KCNK13: variants seen among roughly 807,000 people sequenced by gnomAD.
KCNK13 encodes potassium channel subfamily K member 13.
A neutral mutation model predicts 23.4 loss-of-function variants in KCNK13; 12 were observed. The ratio of observed to expected loss-of-function variants is 0.51; its 90% CI spans 0.33 to 0.83. KCNK13 has a LOEUF of 0.83. KCNK13 is among the 40% of genes least tolerant of loss of function. The probability of loss-of-function intolerance (pLI) is 0.02; values close to 1 mark genes in which losing one functional copy is unlikely to be tolerated. For synonymous variants in KCNK13, 231 were observed against 229.5 expected (o/e 1.01, Z -0.06); for missense variants, 463 against 556.3 (o/e 0.83, Z 1.69).
chr14:90,120,946 C>G (rs1889732218), intron 1 of KCNK13, among the ~76,000 whole-genome samples: 1 of 151,932 alleles, frequency 6.6e-6, no homozygotes, highest in South Asian at 2.1e-4. Context: ...AAGGGGGGTA[C>G]AGAATTGGAT....
At chr14:90,140,390 A>G (rs897048299) in intron 1 of KCNK13, among the ~76,000 whole-genome samples, 6 of 152,238 alleles carry the variant, frequency 3.9e-5, no homozygotes, top group African/African-American at 1.4e-4. Context: ...AGCAATGAAC[A>G]TGAACATTTT....
chr14:90,069,270 C>T (rs534867985), intron 1 of KCNK13, among the ~76,000 whole-genome samples: 9 of 152,036 alleles, frequency 5.9e-5, no homozygotes, highest in Admixed American at 1.3e-4. Context: ...CTCCTGACCT[C>T]GTGATCTGCC....
At chr14:90,170,810 A>C (rs919092475) in intron 1 of KCNK13, among the ~76,000 whole-genome samples, 1 of 151,316 alleles carries the variant, frequency 6.6e-6, no homozygotes, top group African/African-American at 2.4e-5. Context: ...GGGGCAGGGG[A>C]ACAATCAGAT....
chr14:90,068,382 G>A (rs1889033233), intron 1 of KCNK13, among the ~76,000 whole-genome samples: 1 of 152,050 alleles, frequency 6.6e-6, no homozygotes, highest in Non-Finnish European at 1.5e-5. Flanking sequence ...ATTGCTTGAG[G>A]CCAGGAGTTC....
intron 1 of KCNK13, among the ~76,000 whole-genome samples, chr14:90,122,907 C>G (rs1889755519): frequency 1.3e-5 from 2 of 152,112 alleles, no homozygotes; most frequent in Non-Finnish European, 2.9e-5. Flanking sequence ...GTAGATTTCC[C>G]AGCACGGTTC....
At chr14:90,090,283 A>G (rs1435826099) in intron 1 of KCNK13, among the ~76,000 whole-genome samples, 1 of 152,232 alleles carries the variant, frequency 6.6e-6, no homozygotes, top group East Asian at 1.9e-4. Context: ...CATGACCTGG[A>G]TGTGAGACAT....
rs892356748 is a variant in KCNK13 at position 90,104,783 on chromosome 14, TTTC to T, written c.334+42247_334+42249del. Among the ~76,000 whole-genome samples the T allele has an allele frequency of 3.7e-5, 5 of 133,662 alleles. No individual in the cohort carries two copies. The Admixed American group carries it at 3.9e-4, about 10-fold the overall frequency. 87.7% of individuals were successfully genotyped at this position (133,662 alleles called of 152,430 possible). A position where few individuals can be genotyped will look rare whatever the true frequency, so the allele number is the denominator to read the frequency against. On this transcript the variant is annotated intron_variant, in intron 1 of 1. Transcript: ENST00000282146. ...TGAACTTGGGGATCAGCTACTTTCT[TTTC>T]TTTTCTTTTTTTTTTTTTTTTTTGA...
chr14:90,138,593 A>G (rs775040482), intron 1 of KCNK13, among the ~76,000 whole-genome samples: 17 of 152,210 alleles, frequency 1.1e-4, no homozygotes, highest in Non-Finnish European at 2.2e-4. Context: ...ATTTATATAA[A>G]ATGTCAGAGA....
intron 1 of KCNK13, among the ~76,000 whole-genome samples, chr14:90,120,851 G>A (rs1435541487): frequency 2.0e-5 from 3 of 152,100 alleles, no homozygotes; most frequent in South Asian, 2.1e-4. Flanking sequence ...AAAAGTCCAA[G>A]TCCAAAGTTT....
intron 1 of KCNK13, among the ~76,000 whole-genome samples, chr14:90,118,726 G>A (rs972987128): frequency 6.6e-6 from 1 of 152,164 alleles, no homozygotes; most frequent in African/African-American, 2.4e-5. Context: ...GAATGCACAA[G>A]AGTTCCAGTT....
intron 1 of KCNK13, among the ~76,000 whole-genome samples, chr14:90,127,790 G>C (rs891687811): frequency 7.5e-6 from 1 of 132,706 alleles, no homozygotes; most frequent in Non-Finnish European, 1.5e-5. Flanking sequence ...CTGCAGTCCA[G>C]CCTGGTAGAC....
chr14:90,151,501 G>A (rs1386812655), intron 1 of KCNK13, among the ~76,000 whole-genome samples: 1 of 152,070 alleles, frequency 6.6e-6, no homozygotes, highest in Non-Finnish European at 1.5e-5. Context: ...CTATTGAGTT[G>A]TTTGAGTTCC....
intron 1 of KCNK13, among the ~76,000 whole-genome samples, chr14:90,109,604 G>T (rs1889589936): frequency 6.6e-6 from 1 of 151,694 alleles, no homozygotes; most frequent in Non-Finnish European, 1.5e-5. Context: ...TAGAGACGAG[G>T]TTTCACCATG....
chr14:90,104,571 G>C (rs1203302000), intron 1 of KCNK13, among the ~76,000 whole-genome samples: 1 of 152,084 alleles, frequency 6.6e-6, no homozygotes, highest in Non-Finnish European at 1.5e-5. Context: ...TGAAGGCTTT[G>C]TGTGATCACT....
intron 1 of KCNK13, among the ~76,000 whole-genome samples, chr14:90,094,265 T>C (rs953652616): frequency 6.6e-6 from 1 of 152,196 alleles, no homozygotes; most frequent in African/African-American, 2.4e-5. Context: ...GAGAACCAGG[T>C]ATTCACATGA....
At chr14:90,099,007 G>T (rs949423286) in intron 1 of KCNK13, among the ~76,000 whole-genome samples, 2 of 151,980 alleles carry the variant, frequency 1.3e-5, no homozygotes, top group Non-Finnish European at 2.9e-5. Context: ...AACCCAGGAG[G>T]CAGAGTTTGC....
At chr14:90,102,442 G>A (rs992854890) in intron 1 of KCNK13, among the ~76,000 whole-genome samples, 1 of 152,132 alleles carries the variant, frequency 6.6e-6, no homozygotes, top group African/African-American at 2.4e-5. Flanking sequence ...GCAATGCTGG[G>A]TGGCAAAGGC....
intron 1 of KCNK13, among the ~76,000 whole-genome samples, chr14:90,133,765 C>G (rs1038114979): frequency 6.6e-6 from 1 of 152,118 alleles, no homozygotes; most frequent in Non-Finnish European, 1.5e-5. Context: ...AGACACAGCT[C>G]AACTCTAATC....
intron 1 of KCNK13, among the ~76,000 whole-genome samples, chr14:90,068,864 G>A (rs915460586): frequency 3.9e-5 from 6 of 151,976 alleles, no homozygotes; most frequent in African/African-American, 1.5e-4. Context: ...CTCGCCAACT[G>A]GAAGTCAAGT....
Sources: allele counts gnomAD v4.1 joint callset (sites outside exome capture counted in the v4.1 genomes callset), GRCh38; gene constraint gnomAD v4.1.1; transcripts MANE v1.5; gene names NCBI Gene and HGNC (gene_info 2026-07-23, HGNC 2026-07-21).